The following ZBTB43 variants were observed in gnomAD, a reference collection of about 807,000 sequenced individuals.
ZBTB43 encodes the protein zinc finger and BTB domain-containing protein 43.
In ZBTB43, 6 loss-of-function variants were observed where a neutral mutation model predicts 31.1. The ratio of observed to expected loss-of-function variants is 0.19; its 90% CI spans 0.11 to 0.38. The LOEUF is 0.38. ZBTB43 is among the 10% of genes least tolerant of loss of function. The pLI is 1.00. For missense variants in ZBTB43, 379 were observed against 602.1 expected (o/e 0.63, Z 3.88); for synonymous variants, 212 against 221.7 (o/e 0.96, Z 0.39).
chr9:126,822,777 C>T (rs1237875284), intron 2 of ZBTB43, among the ~76,000 whole-genome samples: 1 of 152,110 alleles, frequency 6.6e-6, no homozygotes, highest in Non-Finnish European at 1.5e-5. Flanking sequence ...GCTACAGCCA[C>T]CCTACCGTTC....
chr9:126,833,990 C>A lies in ZBTB43; in HGVS notation c.*77C>A. 1 of 1,365,928 alleles carries A rather than the reference C, an allele frequency of 7.3e-7. No individual in the cohort carries two copies. The highest frequency in any genetic ancestry group is 9.9e-7 in the Non-Finnish European group (1 of 1,014,924). 84.6% of individuals were successfully genotyped at this position (1,365,928 alleles called of 1,614,324 possible). Reference sequence around the variant, plus strand: ...AATGCAAATCTGGGCACAGATGATGCGTGCTACTTGCTATTATGAGAGAAG... The same window carrying A: ...AATGCAAATCTGGGCACAGATGATGAGTGCTACTTGCTATTATGAGAGAAG... On this transcript the variant is annotated 3_prime_UTR_variant, in exon 3 of 3. Transcript: ENST00000373464. This position sits in a 1 kb window ranked among gnomAD's most constrained non-coding sequence, Gnocchi z 7.9.
intron 2 of ZBTB43, among the ~76,000 whole-genome samples, chr9:126,812,332 G>A (rs527675700): frequency 4.7e-4 from 71 of 152,288 alleles, no homozygotes; most frequent in Non-Finnish European, 9.1e-4. Context: ...GCTTATGATG[G>A]TTTTCACTTT....
chr9:126,833,020 C>T lies in ZBTB43; in HGVS notation c.511C>T (p.Leu171=), dbSNP rs369454119. Residue 171 remains leucine, a synonymous_variant, in exon 3 of 3, where the codon CTG becomes TTG. Coordinates refer to ENST00000373464, the MANE Select transcript of ZBTB43 (RefSeq NM_014007.4). This position sits in a 1 kb window ranked among gnomAD's most constrained non-coding sequence, Gnocchi z 7.9. The part of the protein sequence containing the change: ...GHTDFPKAQE[L]RDGENEEEST... ...TACTGATTTTCCCAAAGCCCAAGAA[C>T]TGAGAGATGGTGAAAATGAAGAGGA... The T allele has an allele frequency of 1.2e-6, 2 of 1,613,918 alleles. No homozygotes were observed.
At chr9:126,804,642 G>GCT (rs1444947551), upstream of ZBTB43, among the ~76,000 whole-genome samples, 2 of 152,068 alleles carry the variant, frequency 1.3e-5, no homozygotes, top group Non-Finnish European at 2.9e-5. Flanking sequence ...GCGCAACCAC[G>GCT]CTCAGCTAAT....
intron 2 of ZBTB43, among the ~76,000 whole-genome samples, chr9:126,827,121 T>C (rs1020431238): frequency 6.6e-6 from 1 of 152,248 alleles, no homozygotes; most frequent in Non-Finnish European, 1.5e-5. Flanking sequence ...TTTTGTAAAG[T>C]CTGTATTCCT....
intron 2 of ZBTB43, among the ~76,000 whole-genome samples, chr9:126,809,840 A>ATTTTTTTTTTTTT (rs1338076031): frequency 1.3e-5 from 2 of 150,502 alleles, no homozygotes; most frequent in African/African-American, 5.0e-5. Flanking sequence ...AACTGCTGGT[A>ATTTTTTTTTTTTT]TCTTTTTTTT....
intron 2 of ZBTB43, among the ~76,000 whole-genome samples, chr9:126,819,386 G>A (rs756961038): frequency 1.4e-5 from 2 of 143,356 alleles, no homozygotes; most frequent in African/African-American, 2.6e-5. Flanking sequence ...TTCTGTTTCT[G>A]TGTCATATTT....
chr9:126,814,358 ATGAAATTTACAAAGTAAATTTACAT>A lies in ZBTB43; in HGVS notation c.-24+5454_-24+5478del, dbSNP rs1023780119. ...TTTTACATCTGTAAAAATTTTACAG[ATGAAATTTACAAAGTAAATTTACAT>A]TGAAATTTACTTTGATATTAGTATT... On this transcript the variant is annotated intron_variant, in intron 2 of 2. Transcript: ENST00000373464. Among the ~76,000 whole-genome samples the A allele has an allele frequency of 4.1e-4, 53 of 127,964 alleles. No individual in the cohort carries two copies. In the South Asian group the frequency reaches 4.3e-3, roughly 10 times the overall value. The allele number at this position is 127,964 out of a possible 152,430, so 83.9% of individuals were successfully genotyped here. A position where few individuals can be genotyped will look rare whatever the true frequency, so the allele number is the denominator to read the frequency against.
Position 126,834,392 on chromosome 9 carries a change from G to A in ZBTB43, c.*479G>A. The A allele has an allele frequency of 6.0e-6, 1 of 168,046 alleles. No homozygotes were observed. 10.4% of individuals were successfully genotyped at this position (168,046 alleles called of 1,614,324 possible). A position where few individuals can be genotyped will look rare whatever the true frequency, so the allele number is the denominator to read the frequency against. ...CTTATATAAAAGCTAGAAATAATGTGATTCCTAGGATGAGAAATTGGTTAA... is the reference window on the plus strand; with the variant it reads ...CTTATATAAAAGCTAGAAATAATGTAATTCCTAGGATGAGAAATTGGTTAA... On this transcript the variant is annotated 3_prime_UTR_variant, in exon 3 of 3. Transcript: ENST00000373464.
chr9:126,820,521 A>G (rs2032486361), intron 2 of ZBTB43, among the ~76,000 whole-genome samples: 1 of 152,230 alleles, frequency 6.6e-6, no homozygotes, highest in African/African-American at 2.4e-5. Context: ...TTTACAAAGC[A>G]TTACTGCTCA....
intron 2 of ZBTB43, among the ~76,000 whole-genome samples, chr9:126,826,451 C>T (rs1005544745): frequency 5.5e-4 from 69 of 125,750 alleles, no homozygotes; most frequent in African/African-American, 1.8e-3. Flanking sequence ...CTGGCCCCCC[C>T]GCCTTTTTTT....
intron 2 of ZBTB43, among the ~76,000 whole-genome samples, chr9:126,819,880 G>A (rs1034717508): frequency 6.6e-6 from 1 of 152,202 alleles, no homozygotes; most frequent in African/African-American, 2.4e-5. Context: ...GAAAGTGGCA[G>A]CCTTAGTGCT....
Position 126,808,544 on chromosome 9 carries a change from A to G in ZBTB43, c.-146-249A>G, listed in dbSNP as rs549709598. On this transcript the variant is annotated intron_variant, in intron 1 of 2. Coordinates refer to ENST00000373464, the MANE Select transcript of ZBTB43 (RefSeq NM_014007.4). ...TGAATATGCCACAGTAATGGATGAG[A>G]GGTATATGGGAGTTATGCACTATCT... Among the ~76,000 whole-genome samples, 8 of 152,306 alleles carry G rather than the reference A, an allele frequency of 5.3e-5. No homozygotes were observed. In the South Asian group the frequency reaches 1.7e-3, roughly 32 times the overall value.
chr9:126,826,444 G>GC (rs1248708120), intron 2 of ZBTB43, among the ~76,000 whole-genome samples: 24 of 118,728 alleles, frequency 2.0e-4, no homozygotes, highest in Admixed American at 1.3e-3. Flanking sequence ...ACCACTCCTG[G>GC]CCCCCCCGCC....
chr9:126,822,210 G>A (rs1292776160), intron 2 of ZBTB43, among the ~76,000 whole-genome samples: 2 of 147,872 alleles, frequency 1.4e-5, no homozygotes, highest in African/African-American at 2.5e-5. Context: ...GTTAGTGTTA[G>A]TGTGTTTTAT....
chr9:126,823,790 G>A (rs2032568625), intron 2 of ZBTB43, among the ~76,000 whole-genome samples: 1 of 151,586 alleles, frequency 6.6e-6, no homozygotes, highest in Non-Finnish European at 1.5e-5. Context: ...AGTTACTTTG[G>A]GGTTTGCAAT....
chr9:126,806,268 G>A (rs2032126250), intron 1 of ZBTB43, among the ~76,000 whole-genome samples: 1 of 152,126 alleles, frequency 6.6e-6, no homozygotes, highest in Admixed American at 6.5e-5. Context: ...AGGGTTTCTG[G>A]GATAACTGCA....
Position 126,818,262 on chromosome 9 carries a change from A to G in ZBTB43, c.-24+9347A>G, listed in dbSNP as rs550356278. ...CTCAGTCTCCCAAGTAGCTGGGACT[A>G]CAGCTGTGCACCACTATTCCTGGCT... On this transcript the variant is annotated intron_variant, in intron 2 of 2. Transcript: ENST00000373464. Among the ~76,000 whole-genome samples, 3 of 150,742 alleles carry G rather than the reference A, an allele frequency of 2.0e-5. No homozygotes were observed. The South Asian group carries it at 6.3e-4, about 32-fold the overall frequency.
chr9:126,824,862 T>C (rs2032597552), intron 2 of ZBTB43, among the ~76,000 whole-genome samples: 1 of 152,214 alleles, frequency 6.6e-6, no homozygotes, highest in Non-Finnish European at 1.5e-5. Flanking sequence ...TTTCAGCCCT[T>C]TTCTGTGCCT....
Sources: allele counts gnomAD v4.1 joint callset (sites outside exome capture counted in the v4.1 genomes callset), GRCh38; gene constraint gnomAD v4.1.1; non-coding constraint Gnocchi (gnomAD v3.1); transcripts MANE v1.5; gene names NCBI Gene and HGNC (gene_info 2026-07-23, HGNC 2026-07-21).